Variants in LMBRD1 observed in about 807,000 individuals in gnomAD.
LMBRD1 encodes the protein LMBR1 domain containing 1.
A neutral mutation model predicts 74.8 loss-of-function variants in LMBRD1; 64 were observed. That is an observed-to-expected ratio of 0.86 (90% CI 0.70 to 1.05). The LOEUF is 1.05. LMBRD1 is among the 50% of genes least tolerant of loss of function. The probability of loss-of-function intolerance (pLI) is 0.00; values close to 1 mark genes in which losing one functional copy is unlikely to be tolerated. For synonymous variants in LMBRD1, 204 were observed against 216.3 expected (o/e 0.94, Z 0.50); for missense variants, 652 against 645.9 (o/e 1.01, Z -0.10).
chr6:69,741,614 G>C (rs1767103001), intron 6 of LMBRD1, among the ~76,000 whole-genome samples, 175 bp downstream of exon 6: 2 of 152,038 alleles, frequency 1.3e-5, no homozygotes, highest in African/African-American at 4.8e-5. Flanking sequence ...TCAAACTCCT[G>C]ACCTCGTGAT....
chr6:69,749,378 C>T lies in LMBRD1; in HGVS notation c.436G>A (p.Gly146Arg). The stretch of plus-strand genomic sequence containing the variant: ...AGCAGTGCACAAATCACAACAAATC[C>T]CAAAGTATACTTGAGTGCCGTTTTA... ...QIKTALKYTL[G>R]FVVICALLLL... Residue 146 changes from glycine (G) to arginine (R), a missense_variant, in exon 5 of 16, where the codon GGA becomes AGA. Coordinates refer to ENST00000649934, the MANE Select transcript of LMBRD1 (RefSeq NM_018368.4). 6.2e-7 allele frequency: 1 copy of T among 1,611,628 alleles called. No individual in the cohort carries two copies. The highest frequency in any genetic ancestry group is 8.5e-7 in the Non-Finnish European group (1 of 1,178,876).
chr6:69,777,887 T>C (rs987091032), intron 3 of LMBRD1, among the ~76,000 whole-genome samples: 7 of 152,208 alleles, frequency 4.6e-5, no homozygotes, highest in African/African-American at 1.4e-4. Flanking sequence ...GTCCTCAAAA[T>C]CCAGGAGAAG....
chr6:69,749,273 C>CTTTTTTTTTTTTTTTTTTTTTTTTTTTT, intron 5 of LMBRD1, 68 bp downstream of exon 5: 2 of 1,237,270 alleles, frequency 1.6e-6, no homozygotes, highest in African/African-American at 1.7e-5. Context: ...CTGAATGATC[C>CTTTTTTTTTTTTTTTTTTTTTTTTTTTT]TTTTATTTTT....
chr6:69,757,566 G>A (rs1022406419), intron 3 of LMBRD1, among the ~76,000 whole-genome samples: 10 of 152,270 alleles, frequency 6.6e-5, no homozygotes, highest in African/African-American at 2.4e-4. Flanking sequence ...ATGTTGAACT[G>A]TAAAGAGAGA....
chr6:69,678,922 G>A (rs1394598950), intron 14 of LMBRD1, among the ~76,000 whole-genome samples: 1 of 151,824 alleles, frequency 6.6e-6, no homozygotes, highest in African/African-American at 2.4e-5. Flanking sequence ...CTTCAGATAT[G>A]TGATGTAAAG....
At chr6:69,700,217 C>T (rs1268483497) in intron 12 of LMBRD1, among the ~76,000 whole-genome samples, 1 of 151,742 alleles carries the variant, frequency 6.6e-6, no homozygotes, top group Non-Finnish European at 1.5e-5. Flanking sequence ...TTACCCACAG[C>T]TGGAAGTAGT....
chr6:69,719,232 T>C (rs1454890982), intron 7 of LMBRD1, 151 bp from the exon 8 acceptor site: 5 of 665,330 alleles, frequency 7.5e-6, no homozygotes, highest in South Asian at 1.8e-5. Flanking sequence ...GTGAACATTA[T>C]ATTGTCTCAT....
chr6:69,720,409 CA>C (rs926378270), intron 7 of LMBRD1, among the ~76,000 whole-genome samples: 8 of 152,062 alleles, frequency 5.3e-5, no homozygotes, highest in African/African-American at 1.9e-4. Flanking sequence ...CCTTTTATCC[CA>C]AAAAAGGACG....
chr6:69,778,048 A>G (rs1765743488), intron 3 of LMBRD1, among the ~76,000 whole-genome samples: 1 of 152,248 alleles, frequency 6.6e-6, no homozygotes, highest in African/African-American at 2.4e-5. Flanking sequence ...CCAAAGGCCT[A>G]TTAGCCATAG....
In LMBRD1 at chr6:69,767,530, T is replaced by A. The variant is rs537352605; in HGVS notation, c.307+12964A>T. ...AAGATTTTTTTCCATTGCTGGTTTC[T>A]AATTTAATTACATTATGATTGGAAA... On this transcript the variant is annotated intron_variant, in intron 3 of 15. Coordinates refer to ENST00000649934, the MANE Select transcript of LMBRD1 (RefSeq NM_018368.4). Among the ~76,000 whole-genome samples the A allele has an allele frequency of 2.6e-5, 4 of 151,880 alleles. No individual in the cohort carries two copies. In the East Asian group the frequency reaches 7.7e-4, roughly 29 times the overall value.
At chr6:69,708,144 T>C (rs145910064) in intron 9 of LMBRD1, among the ~76,000 whole-genome samples, 18 of 152,312 alleles carry the variant, frequency 1.2e-4, no homozygotes, top group South Asian at 2.1e-4. Context: ...GCTCAAAGTA[T>C]ACTCTTCTGT....
At chr6:69,682,913 T>C (rs1206807199) in intron 14 of LMBRD1, among the ~76,000 whole-genome samples, 2 of 151,990 alleles carry the variant, frequency 1.3e-5, no homozygotes, top group Non-Finnish European at 2.9e-5. Context: ...GAAATTTGCA[T>C]TTGAAAGAAA....
chr6:69,765,829 T>C (rs1026713151), intron 3 of LMBRD1, among the ~76,000 whole-genome samples: 1 of 152,126 alleles, frequency 6.6e-6, no homozygotes, highest in Non-Finnish European at 1.5e-5. Flanking sequence ...GTAGAAATCT[T>C]ATGCTTTTTT....
chr6:69,721,800 T>C (rs959509116), intron 7 of LMBRD1, among the ~76,000 whole-genome samples: 4 of 152,210 alleles, frequency 2.6e-5, no homozygotes, highest in African/African-American at 7.2e-5. Context: ...ACAGCATTTT[T>C]AGACATGCCC....
chr6:69,722,393 T>C (rs1160442511), intron 7 of LMBRD1, among the ~76,000 whole-genome samples: 1 of 150,568 alleles, frequency 6.6e-6, no homozygotes, highest in Non-Finnish European at 1.5e-5. Context: ...AAACAAAGAA[T>C]AGTATAACAC....
intron 9 of LMBRD1, among the ~76,000 whole-genome samples, chr6:69,708,128 G>T (rs1375094790): frequency 6.6e-6 from 1 of 152,138 alleles, no homozygotes; most frequent in Non-Finnish European, 1.5e-5. Flanking sequence ...CCAATTAGCT[G>T]TATAAGCTCA....
chr6:69,756,807 A>T (rs953608013), intron 3 of LMBRD1, among the ~76,000 whole-genome samples: 2 of 152,186 alleles, frequency 1.3e-5, no homozygotes, highest in African/African-American at 4.8e-5. Flanking sequence ...ATTCTCCAAA[A>T]ATCATGTTTT....
chr6:69,720,469 C>A (rs1442127157), intron 7 of LMBRD1, among the ~76,000 whole-genome samples: 4 of 152,128 alleles, frequency 2.6e-5, no homozygotes, highest in Non-Finnish European at 4.4e-5. Flanking sequence ...AATTTGGATA[C>A]CATACACTTT....
chr6:69,690,639 G>A (rs1015072203), intron 14 of LMBRD1, among the ~76,000 whole-genome samples: 6 of 152,038 alleles, frequency 3.9e-5, no homozygotes, highest in Non-Finnish European at 5.9e-5. Flanking sequence ...TTTTAGTTAT[G>A]TAATACAATT....
Sources: allele counts gnomAD v4.1 joint callset (sites outside exome capture counted in the v4.1 genomes callset), GRCh38; gene constraint gnomAD v4.1.1; transcripts MANE v1.5; gene names NCBI Gene and HGNC (gene_info 2026-07-23, HGNC 2026-07-21).